The following TFEC variants were observed in gnomAD, a reference collection of about 807,000 sequenced individuals.
TFEC encodes transcription factor EC.
Under a neutral mutation model 41.6 loss-of-function variants are expected in TFEC, and 31 were observed. The ratio of observed to expected loss-of-function variants is 0.74; its 90% CI spans 0.56 to 1.01. The LOEUF (loss-of-function observed/expected upper bound fraction) is 1.01, where lower values mean the gene tolerates loss of function less well. Ranked by LOEUF, TFEC falls within the 50% of genes least tolerant of loss-of-function variation. TFEC has a pLI of 0.00. For missense variants in TFEC, 402 were observed against 404.1 expected, an observed-to-expected ratio of 0.99 and a Z score of 0.04; for synonymous variants, 143 against 140.6, an observed-to-expected ratio of 1.02 and a Z score of -0.12.
intron 1 of TFEC, among the ~76,000 whole-genome samples, chr7:116,134,648 A>G (rs951196109): frequency 2.6e-5 from 4 of 152,180 alleles, no homozygotes; most frequent in African/African-American, 9.6e-5. Context: ...GAGCATTGCT[A>G]TACGAAAAAT....
intron 1 of TFEC, among the ~76,000 whole-genome samples, chr7:115,989,222 T>C (rs1285157743): frequency 6.6e-6 from 1 of 152,196 alleles, no homozygotes; most frequent in Non-Finnish European, 1.5e-5. Context: ...GCTTATTTTC[T>C]TATTCTTCAT....
chr7:116,059,892 T>C (rs1219750158), intron 3 of TFEC, among the ~76,000 whole-genome samples: 2 of 152,070 alleles, frequency 1.3e-5, no homozygotes, highest in Admixed American at 1.3e-4. Flanking sequence ...CTAAATGCTT[T>C]TCCACTAAAA....
intron 1 of TFEC, among the ~76,000 whole-genome samples, chr7:116,000,057 G>A (rs780890378): frequency 1.3e-5 from 2 of 152,020 alleles, no homozygotes; most frequent in Non-Finnish European, 2.9e-5. Flanking sequence ...GAACATTGAT[G>A]CAAAAATCCT....
At chr7:116,005,616 TAA>T (rs1272173179) in intron 1 of TFEC, among the ~76,000 whole-genome samples, 1 of 152,164 alleles carries the variant, frequency 6.6e-6, no homozygotes, top group East Asian at 1.9e-4. Flanking sequence ...AAACAGAGCA[TAA>T]AAGTTTGGAA....
chr7:116,012,463 G>A (rs963704527), intron 1 of TFEC, among the ~76,000 whole-genome samples: 3 of 152,008 alleles, frequency 2.0e-5, no homozygotes, highest in African/African-American at 7.2e-5. Flanking sequence ...AGGATGCAGA[G>A]AATAAAGGAG....
intron 3 of TFEC, among the ~76,000 whole-genome samples, chr7:116,070,890 C>A (rs993804441): frequency 2.6e-5 from 4 of 151,050 alleles, no homozygotes; most frequent in African/African-American, 9.7e-5. Context: ...ATATGAAGAA[C>A]AAGACAGAAA....
chr7:115,943,666 C>A (rs1335779611), intron 6 of TFEC, among the ~76,000 whole-genome samples: 2 of 151,472 alleles, frequency 1.3e-5, no homozygotes, highest in Non-Finnish European at 2.9e-5. Context: ...ACAATTTCAA[C>A]AAAGTAGGCA....
chr7:115,947,520 G>C (rs1370372559), intron 6 of TFEC, among the ~76,000 whole-genome samples: 4 of 151,656 alleles, frequency 2.6e-5, no homozygotes, highest in African/African-American at 4.8e-5. Context: ...GGCTGAACTA[G>C]TTTACAGTCC....
intron 3 of TFEC, among the ~76,000 whole-genome samples, chr7:116,037,709 T>C (rs1258370054): frequency 6.6e-6 from 1 of 151,986 alleles, no homozygotes; most frequent in African/African-American, 2.4e-5. Flanking sequence ...TTATCTAAAA[T>C]ATAGGAGTTC....
intron 3 of TFEC, among the ~76,000 whole-genome samples, chr7:116,089,182 A>C (rs1007302789): frequency 6.6e-6 from 1 of 152,174 alleles, no homozygotes; most frequent in African/African-American, 2.4e-5. Context: ...AAAGCATAGA[A>C]TATATCTGAT....
Position 116,131,268 on chromosome 7 carries a change from T to C in TFEC, c.-68-19230A>G, listed in dbSNP as rs75619400. Among the ~76,000 whole-genome samples, 2 of 152,146 alleles carry C rather than the reference T, an allele frequency of 1.3e-5. 1 individual carries two copies. Among genetic ancestry groups the C allele is most frequent in the South Asian group, 4.1e-4 (2 of 4,832 alleles). On this transcript the variant is annotated intron_variant, in intron 1 of 8. Coordinates refer to the TFEC transcript ENST00000484212. ...GCCATCCATATGCTCATGGAAATAA[T>C]GAATAAATATTTTAGACAGGATAGA...
chr7:116,032,498 G>C (rs1795809459), upstream of TFEC, among the ~76,000 whole-genome samples: 1 of 152,126 alleles, frequency 6.6e-6, no homozygotes, highest in East Asian at 1.9e-4. Context: ...ATACTATACA[G>C]TCATAAAAAA....
chr7:116,004,800 A>C (rs1272054038), intron 1 of TFEC, among the ~76,000 whole-genome samples: 2 of 151,972 alleles, frequency 1.3e-5, no homozygotes, highest in South Asian at 2.1e-4. Flanking sequence ...AAAAAAAAAA[A>C]CATAATCATA....
At chr7:116,055,431 C>T (rs1055515450) in intron 3 of TFEC, among the ~76,000 whole-genome samples, 7 of 151,828 alleles carry the variant, frequency 4.6e-5, no homozygotes, top group Non-Finnish European at 8.8e-5. Context: ...GAATAGAAAT[C>T]TAAATAATTT....
intron 2 of TFEC, among the ~76,000 whole-genome samples, chr7:115,981,717 G>C (rs115497289): frequency 6.6e-6 from 1 of 152,170 alleles, no homozygotes; most frequent in Non-Finnish European, 1.5e-5. Context: ...GATAACAGGC[G>C]CTAAGCCCAG....
chr7:116,104,810 G>T (rs1367773282), intron 3 of TFEC, among the ~76,000 whole-genome samples: 1 of 151,416 alleles, frequency 6.6e-6, no homozygotes, highest in Non-Finnish European at 1.5e-5. Context: ...CTTCAAAAGG[G>T]TGTTCAGCGT....
At chr7:116,028,892 T>C (rs1226023648) in intron 1 of TFEC, among the ~76,000 whole-genome samples, 2 of 152,036 alleles carry the variant, frequency 1.3e-5, no homozygotes, top group Non-Finnish European at 2.9e-5. Context: ...TTCTGACTAT[T>C]CAAACCACTG....
chr7:116,140,324 C>T (rs542957854), intron 1 of TFEC, among the ~76,000 whole-genome samples: 77 of 152,278 alleles, frequency 5.1e-4, no homozygotes, highest in African/African-American at 1.3e-3. Flanking sequence ...ACATTCTTCA[C>T]GCAAGAATAG....
intron 3 of TFEC, among the ~76,000 whole-genome samples, chr7:116,065,067 A>G (rs1029264880): frequency 3.9e-5 from 6 of 152,184 alleles, no homozygotes; most frequent in Admixed American, 3.9e-4. Flanking sequence ...TATTCTCCAG[A>G]ATACTCAGAA....
Sources: allele counts gnomAD v4.1 joint callset (sites outside exome capture counted in the v4.1 genomes callset), GRCh38; gene constraint gnomAD v4.1.1; transcripts MANE v1.5; gene names NCBI Gene and HGNC (gene_info 2026-07-23, HGNC 2026-07-21).